The following TRMT11 variants were observed in gnomAD, a reference collection of about 807,000 sequenced individuals.
TRMT11 encodes the protein tRNA (guanine(10)-N(2))-methyltransferase TRMT11.
TRMT11 carries 53 observed loss-of-function variants against 62.8 expected under a neutral mutation model. That is an observed-to-expected ratio of 0.84 (90% CI 0.68 to 1.06). The LOEUF is 1.06. Among genes scored for constraint, TRMT11 ranks in the 50% least tolerant of loss-of-function variants. The probability of loss-of-function intolerance (pLI) is 0.00; values close to 1 mark genes in which losing one functional copy is unlikely to be tolerated. For missense variants in TRMT11, 556 were observed against 553.4 expected, an observed-to-expected ratio of 1.00 and a Z score of -0.05; for synonymous variants, 188 against 190.3, an observed-to-expected ratio of 0.99 and a Z score of 0.10.
In TRMT11 at chr6:125,992,123, G is replaced by A. The variant is rs75749985; in HGVS notation, c.73-1634G>A. On this transcript the variant is annotated intron_variant, in intron 1 of 12. Coordinates refer to ENST00000334379, the MANE Select transcript of TRMT11 (RefSeq NM_001031712.3). ...CTTTTTCCAAGTAGATTGATGAAGT[G>A]GTTTAAACATGTTTTGCTTTTCAAT... 1.4e-3 allele frequency among the ~76,000 whole-genome samples: 214 copies of A among 152,262 alleles called. 1 individual carries two copies. The highest frequency in any genetic ancestry group is 5.0e-3 in the African/African-American group (206 of 41,556).
At chr6:126,094,302 G>C (rs1777316403) in intron 17 of TRMT11, among the ~76,000 whole-genome samples, 1 of 152,162 alleles carries the variant, frequency 6.6e-6, no homozygotes. Context: ...CTCTATCAAA[G>C]AACATATATT....
At chr6:126,168,880 T>G (rs1778298063) in intron 21 of TRMT11, among the ~76,000 whole-genome samples, 1 of 152,238 alleles carries the variant, frequency 6.6e-6, no homozygotes, top group Non-Finnish European at 1.5e-5. Context: ...AGTCTACTTG[T>G]GGTGGATCCA....
the TRMT11 span, among the ~76,000 whole-genome samples, chr6:126,261,913 C>A: frequency 6.6e-6 from 1 of 151,922 alleles, no homozygotes; most frequent in Non-Finnish European, 1.5e-5. Flanking sequence ...TGTGTAGACA[C>A]GGCAAGGCTG....
chr6:126,000,297 A>G (rs373622308), intron 7 of TRMT11, among the ~76,000 whole-genome samples: 3 of 152,108 alleles, frequency 2.0e-5, no homozygotes, highest in Non-Finnish European at 2.9e-5. Context: ...TTGTATTTAA[A>G]TTTGTTTGAC....
At chr6:126,045,290 T>C in intron 16 of TRMT11, among the ~76,000 whole-genome samples, 1 of 152,158 alleles carries the variant, frequency 6.6e-6, no homozygotes, top group Admixed American at 6.6e-5. Context: ...CCAGTTTCAA[T>C]GAATATGTCA....
intron 17 of TRMT11, among the ~76,000 whole-genome samples, chr6:126,088,389 T>TA (rs1046638947): frequency 2.6e-5 from 4 of 152,000 alleles, no homozygotes; most frequent in African/African-American, 7.2e-5. Context: ...CCTGGAGAAC[T>TA]AAAAAAAATA....
intron 3 of TRMT11, 49 bp downstream of exon 3, chr6:125,996,089 A>T (rs1241349303): frequency 7.8e-7 from 1 of 1,283,922 alleles, no homozygotes; most frequent in East Asian, 2.3e-5. Flanking sequence ...TACTTCTCAT[A>T]ACCACTCAAT....
At chr6:126,142,083 A>C (rs531449493) in intron 21 of TRMT11, among the ~76,000 whole-genome samples, 1 of 152,086 alleles carries the variant, frequency 6.6e-6, no homozygotes, top group East Asian at 1.9e-4. Context: ...ACTGTGTCAC[A>C]CAGCAATAAA....
chr6:126,178,474 C>T (rs753219299), intron 1 of TRMT11, among the ~76,000 whole-genome samples: 41 of 152,322 alleles, frequency 2.7e-4, no homozygotes, highest in Non-Finnish European at 1.3e-4. Context: ...AAGCCCATTT[C>T]AGAGTCTACC....
chr6:126,059,045 C>CTT (rs1036996695), intron 17 of TRMT11, among the ~76,000 whole-genome samples: 3,840 of 128,100 alleles, frequency 0.03, 326 homozygotes, highest in African/African-American at 0.12. Context: ...CTCTACTTAT[C>CTT]TTTTTTTTTT....
At chr6:126,093,599 A>G (rs1242763191) in intron 17 of TRMT11, among the ~76,000 whole-genome samples, 3 of 81,164 alleles carry the variant, frequency 3.7e-5, no homozygotes, top group African/African-American at 1.6e-4. Flanking sequence ...ATATATATAT[A>G]TATATATATA....
chr6:126,112,156 A>G (rs1452646768), intron 17 of TRMT11, among the ~76,000 whole-genome samples: 1 of 152,058 alleles, frequency 6.6e-6, no homozygotes, highest in East Asian at 1.9e-4. Context: ...CTCAGCTTTA[A>G]CCCTCCTTCC....
chr6:126,094,085 AATGT>A (rs1777313251), intron 17 of TRMT11, among the ~76,000 whole-genome samples: 1 of 151,508 alleles, frequency 6.6e-6, no homozygotes, highest in African/African-American at 2.4e-5. Flanking sequence ...TGTAATAGAA[AATGT>A]GATACACACA....
the TRMT11 span, among the ~76,000 whole-genome samples, chr6:126,225,769 C>T: frequency 6.9e-6 from 1 of 144,334 alleles, no homozygotes; most frequent in South Asian, 2.2e-4. Flanking sequence ...CGGCTCATTG[C>T]ACCCTCTACC....
At chr6:126,093,624 TATATA>T (rs1777305068) in intron 17 of TRMT11, among the ~76,000 whole-genome samples, 1 of 107,486 alleles carries the variant, frequency 9.3e-6, no homozygotes, top group African/African-American at 4.3e-5. Context: ...TATATATATA[TATATA>T]TATTTTCCCC....
At chr6:126,205,765 A>C (rs1778783180), downstream of TRMT11, among the ~76,000 whole-genome samples, 2 of 151,978 alleles carry the variant, frequency 1.3e-5, no homozygotes, top group African/African-American at 4.8e-5. Flanking sequence ...GAGTTGAAGG[A>C]AAAATTGTGC....
At chr6:126,184,549 A>G (rs1778504964) in intron 1 of TRMT11, among the ~76,000 whole-genome samples, 3 of 152,228 alleles carry the variant, frequency 2.0e-5, no homozygotes, top group South Asian at 2.1e-4. Flanking sequence ...CACAACCAAT[A>G]TGGTGAAGCT....
chr6:126,271,050 A>C, the TRMT11 span, among the ~76,000 whole-genome samples: 1 of 152,220 alleles, frequency 6.6e-6, no homozygotes, highest in African/African-American at 2.4e-5. Flanking sequence ...AAAGAGAGAG[A>C]GTGAAATCTT....
intron 17 of TRMT11, among the ~76,000 whole-genome samples, chr6:126,067,406 C>T (rs532146609): frequency 9.2e-5 from 14 of 152,078 alleles, no homozygotes; most frequent in African/African-American, 3.4e-4. Flanking sequence ...CATTGCTTAC[C>T]CATATAGTTT....
Sources: allele counts gnomAD v4.1 joint callset (sites outside exome capture counted in the v4.1 genomes callset), GRCh38; gene constraint gnomAD v4.1.1; transcripts MANE v1.5; gene names NCBI Gene and HGNC (gene_info 2026-07-23, HGNC 2026-07-21).